B3GALT1: variants seen among roughly 807,000 people sequenced by gnomAD.
B3GALT1 encodes the protein UDP-Gal:betaGlcNAc beta 1,3-galactosyltransferase, polypeptide 1.
A neutral mutation model predicts 23.2 loss-of-function variants in B3GALT1; 10 were observed. The ratio of observed to expected loss-of-function variants is 0.43; its 90% confidence interval spans 0.27 to 0.73. The LOEUF is 0.73. Ranked by LOEUF, B3GALT1 falls within the 30% of genes least tolerant of loss-of-function variation. The pLI, the probability that B3GALT1 is intolerant of heterozygous loss-of-function variation, is 0.21. For synonymous variants in B3GALT1, 156 were observed against 141.5 expected, an observed-to-expected ratio of 1.10 and a Z score of -0.73; for missense variants, 299 against 405.4, an observed-to-expected ratio of 0.74 and a Z score of 2.25.
chr2:167,457,214 C>T (rs1281411038), intron 1 of B3GALT1, among the ~76,000 whole-genome samples: 1 of 151,926 alleles, frequency 6.6e-6, no homozygotes, highest in Non-Finnish European at 1.5e-5. Flanking sequence ...ACTTTGTCAC[C>T]CAGGCTGGAG....
chr2:167,653,494 C>T lies in B3GALT1; in HGVS notation c.-352+6528C>T, dbSNP rs948848820. Among the ~76,000 whole-genome samples the T allele has an allele frequency of 5.9e-5, 9 of 152,046 alleles. No homozygotes were observed. The East Asian group carries it at 7.7e-4, about 13-fold the overall frequency. On this transcript the variant is annotated intron_variant, in intron 3 of 4. Transcript: ENST00000392690. ...TCTGAGAACCTGCTTGAGCTGCCAA[C>T]GTTAAAAGATAGAAATTGCAGAAAG...
intron 4 of B3GALT1, among the ~76,000 whole-genome samples, chr2:167,842,159 T>A (rs548763763): frequency 6.6e-6 from 1 of 152,322 alleles, no homozygotes; most frequent in African/African-American, 2.4e-5. Flanking sequence ...TAAAAGCCAA[T>A]GGTCAAAACA....
At chr2:167,321,552 C>T (rs981092511) in intron 1 of B3GALT1, among the ~76,000 whole-genome samples, 1 of 151,964 alleles carries the variant, frequency 6.6e-6, no homozygotes, top group African/African-American at 2.4e-5. Context: ...AATATCCAAG[C>T]ACCACATCTA....
chr2:167,357,372 A>T (rs1697432980), intron 1 of B3GALT1, among the ~76,000 whole-genome samples: 1 of 152,082 alleles, frequency 6.6e-6, no homozygotes, highest in Non-Finnish European at 1.5e-5. Flanking sequence ...AATTAATTTT[A>T]AAAAATATTA....
intron 3 of B3GALT1, chr2:167,716,212 G>C: frequency 1.1e-6 from 1 of 934,406 alleles, no homozygotes; most frequent in South Asian, 1.7e-5. Flanking sequence ...AGGGAGCTGG[G>C]GAATGCGGGC....
intron 1 of B3GALT1, among the ~76,000 whole-genome samples, chr2:167,440,359 A>T (rs1477023804): frequency 6.6e-6 from 1 of 151,720 alleles, no homozygotes; most frequent in African/African-American, 2.4e-5. Flanking sequence ...AAAAAAAAAA[A>T]AAAAAGAAAT....
intron 1 of B3GALT1, among the ~76,000 whole-genome samples, chr2:167,468,103 T>C (rs1437277215): frequency 6.6e-6 from 1 of 152,148 alleles, no homozygotes; most frequent in Non-Finnish European, 1.5e-5. Flanking sequence ...AAGAGCATAT[T>C]TTTCTGGAGT....
At chr2:167,545,023 C>CTT (rs869066627) in intron 2 of B3GALT1, among the ~76,000 whole-genome samples, 773 of 54,258 alleles carry the variant, frequency 0.014, 167 homozygotes, top group East Asian at 0.035. Flanking sequence ...GCTTGGGTGT[C>CTT]TTTTTTTTTT....
At chr2:167,822,293 T>C (rs140586106) in intron 4 of B3GALT1, among the ~76,000 whole-genome samples, 16 of 142,918 alleles carry the variant, frequency 1.1e-4, no homozygotes, top group African/African-American at 4.1e-4. Flanking sequence ...CATATCCAGG[T>C]TCAGAAGAGG....
In B3GALT1 at chr2:167,323,954, C is replaced by T. The variant is rs777490433; in HGVS notation, c.-511+30620C>T. 3.9e-5 allele frequency among the ~76,000 whole-genome samples: 6 copies of T among 152,052 alleles called. 1 individual carries two copies. The Middle Eastern group carries it at 0.02, about 517-fold the overall frequency. On this transcript the variant is annotated intron_variant, in intron 1 of 4. Coordinates refer to ENST00000392690, the MANE Select transcript of B3GALT1 (RefSeq NM_020981.4). ...AGATTTTGACATTGGCTCAGTTGCCCAATCCCATTTTGAAATTTGATCAAT... is the reference window on the plus strand; with the variant it reads ...AGATTTTGACATTGGCTCAGTTGCCTAATCCCATTTTGAAATTTGATCAAT...
At chr2:167,799,234 T>G (rs907071015) in intron 3 of B3GALT1, among the ~76,000 whole-genome samples, 9 of 152,192 alleles carry the variant, frequency 5.9e-5, no homozygotes, top group African/African-American at 2.2e-4. Flanking sequence ...AGTTTTTGGT[T>G]ACATGGATGA....
intron 4 of B3GALT1, among the ~76,000 whole-genome samples, chr2:167,837,563 C>A (rs1189294168): frequency 6.6e-6 from 1 of 150,888 alleles, no homozygotes; most frequent in Non-Finnish European, 1.5e-5. Context: ...CTTAGACTCC[C>A]ACACATTAAT....
At chr2:167,382,651 G>C (rs1039719550) in intron 1 of B3GALT1, among the ~76,000 whole-genome samples, 18 of 152,168 alleles carry the variant, frequency 1.2e-4, no homozygotes, top group African/African-American at 4.3e-4. Context: ...TACACACCTT[G>C]AAATTAAACT....
chr2:167,661,134 A>G (rs1686053986), intron 3 of B3GALT1, among the ~76,000 whole-genome samples: 1 of 152,176 alleles, frequency 6.6e-6, no homozygotes, highest in Non-Finnish European at 1.5e-5. Context: ...CATTCATCCT[A>G]CAAAAGAAAT....
chr2:167,572,879 G>A (rs971923425), intron 2 of B3GALT1, among the ~76,000 whole-genome samples: 8 of 151,566 alleles, frequency 5.3e-5, no homozygotes, highest in Non-Finnish European at 1.2e-4. Context: ...AGGTTAGCGG[G>A]AAAAAAATAT....
intron 1 of B3GALT1, among the ~76,000 whole-genome samples, chr2:167,460,893 G>A (rs1365334157): frequency 2.6e-5 from 4 of 152,138 alleles, no homozygotes; most frequent in Non-Finnish European, 4.4e-5. Flanking sequence ...CCCTGAGCTT[G>A]TACAATTGCT....
chr2:167,488,221 A>G (rs1434270211), intron 1 of B3GALT1, among the ~76,000 whole-genome samples: 1 of 152,228 alleles, frequency 6.6e-6, no homozygotes, highest in Non-Finnish European at 1.5e-5. Flanking sequence ...TTTTCAGCAC[A>G]CATTGGCTTA....
chr2:167,861,701 G>A (rs981132107), intron 4 of B3GALT1, among the ~76,000 whole-genome samples: 1 of 151,998 alleles, frequency 6.6e-6, no homozygotes. Flanking sequence ...GTCTCTATCC[G>A]ATTATCCCCC....
chr2:167,804,029 TC>T (rs1688694894), intron 3 of B3GALT1, among the ~76,000 whole-genome samples: 1 of 152,338 alleles, frequency 6.6e-6, no homozygotes, highest in African/African-American at 2.4e-5. Flanking sequence ...GGAGTCTCAC[TC>T]TGCTGCCCAG....
Sources: gnomAD v4.1 joint callset for allele counts (sites outside exome capture counted in the v4.1 genomes callset) on GRCh38, gnomAD v4.1.1 for gene constraint, MANE v1.5 for transcripts, NCBI Gene and HGNC (gene_info 2026-07-23, HGNC 2026-07-21) for gene names.